The following PCDH11X variants were observed in gnomAD, a reference collection of about 807,000 sequenced individuals.
The protein encoded by PCDH11X is protocadherin 11 X-linked, also known as protocadherin-11 X-linked.
Under a neutral mutation model 53.3 loss-of-function variants are expected in PCDH11X, and 18 were observed. That is an observed-to-expected ratio of 0.34 (90% CI 0.23 to 0.50). The LOEUF (loss-of-function observed/expected upper bound fraction) is 0.50, where lower values mean the gene tolerates loss of function less well. Ranked by LOEUF, PCDH11X falls within the 20% of genes least tolerant of loss-of-function variation. The probability of loss-of-function intolerance (pLI) is 0.98; values close to 1 mark genes in which losing one functional copy is unlikely to be tolerated. For missense variants in PCDH11X, 570 were observed against 1,032.4 expected, an observed-to-expected ratio of 0.55 and a Z score of 6.14; for synonymous variants, 279 against 393.3, an observed-to-expected ratio of 0.71 and a Z score of 3.44.
At chrX:91,881,992 A>C (rs1040351101) in intron 6 of PCDH11X, among the ~76,000 whole-genome samples, 73 of 110,598 alleles carry the variant, frequency 6.6e-4, no homozygotes, top group Non-Finnish European at 1.3e-3. Context: ...ATAAGAGACA[A>C]GGGAATTCAT....
At chrX:92,038,307 T>A (rs2063159019) in intron 6 of PCDH11X, among the ~76,000 whole-genome samples, 1 of 110,183 alleles carries the variant, frequency 9.1e-6, no homozygotes. Flanking sequence ...CATGGTTTTG[T>A]GGGCCAGGCT....
At chrX:92,484,299 G>A (rs184295416) in intron 10 of PCDH11X, among the ~76,000 whole-genome samples, 1,298 of 101,314 alleles carry the variant, frequency 0.013, 24 homozygotes, top group African/African-American at 0.044. Flanking sequence ...ATATATGTGT[G>A]TGTATATATA....
intron 8 of PCDH11X, among the ~76,000 whole-genome samples, chrX:92,338,068 A>G (rs186400934): frequency 1.8e-5 from 2 of 111,616 alleles, no homozygotes; most frequent in African/African-American, 6.5e-5. Context: ...TTAATGCTTT[A>G]AATATGTTTT....
At chrX:92,521,500 A>G (rs1428969700) in intron 10 of PCDH11X, among the ~76,000 whole-genome samples, 2 of 111,871 alleles carry the variant, frequency 1.8e-5, no homozygotes. Context: ...TGTTCCATTT[A>G]TAGAGTTCAG....
At chrX:92,127,284 T>C (rs916735146) in intron 6 of PCDH11X, among the ~76,000 whole-genome samples, 3 of 108,215 alleles carry the variant, frequency 2.8e-5, no homozygotes, top group Non-Finnish European at 5.7e-5. Context: ...TAGATGTTAA[T>C]AATGAGTGCT....
At chrX:92,151,108 AT>A (rs1277222056) in intron 6 of PCDH11X, among the ~76,000 whole-genome samples, 2 of 109,306 alleles carry the variant, frequency 1.8e-5, no homozygotes, top group Non-Finnish European at 3.8e-5. Context: ...TTAGCTCTAA[AT>A]TTTTTTTATA....
intron 10 of PCDH11X, among the ~76,000 whole-genome samples, chrX:92,479,450 C>A (rs761584959): frequency 9.4e-6 from 1 of 106,284 alleles, no homozygotes; most frequent in Non-Finnish European, 1.9e-5. Context: ...TTCTTCATAG[C>A]GTCACTGGCC....
chrX:91,898,991 G>T (rs1342897255), intron 6 of PCDH11X, among the ~76,000 whole-genome samples: 1 of 110,187 alleles, frequency 9.1e-6, no homozygotes, highest in African/African-American at 3.3e-5. Context: ...TTTGTAAAAT[G>T]AGAACTTTTC....
rs1366660910 is a variant in PCDH11X, at chrX:91,951,868, GCT to G, written c.3033+72598_3033+72599del. 4.5e-5 allele frequency among the ~76,000 whole-genome samples: 5 copies of G among 111,715 alleles called. No homozygotes were observed. In the East Asian group the frequency reaches 8.5e-4, roughly 19 times the overall value. ...CTGGTGGGTAGGAAAGCTTCCAGTT[GCT>G]CTGTCAGGAGCCCTGGCCTGCTGAA... On this transcript the variant is annotated intron_variant, in intron 6 of 10. Coordinates refer to ENST00000682573, the MANE Select transcript of PCDH11X (RefSeq NM_032968.5).
chrX:92,035,525 TTG>T (rs1213820604), intron 6 of PCDH11X, among the ~76,000 whole-genome samples: 1 of 86,900 alleles, frequency 1.2e-5, no homozygotes, highest in African/African-American at 4.2e-5. Context: ...TGGAGCTTTG[TTG>T]TATGTTATTT....
chrX:92,164,179 C>T (rs1382497360), intron 6 of PCDH11X, among the ~76,000 whole-genome samples: 2 of 111,835 alleles, frequency 1.8e-5, no homozygotes, highest in Non-Finnish European at 3.8e-5. Flanking sequence ...ATGACACGGG[C>T]TTCTTCTTAC....
At chrX:92,378,244 A>G (rs1288286102) in intron 8 of PCDH11X, among the ~76,000 whole-genome samples, 2 of 107,504 alleles carry the variant, frequency 1.9e-5, no homozygotes, top group African/African-American at 3.4e-5. Context: ...GTTTCACGGT[A>G]AGTTGTCTTG....
At chrX:91,886,970 C>CAAA (rs1179014012) in intron 6 of PCDH11X, among the ~76,000 whole-genome samples, 1 of 50,670 alleles carries the variant, frequency 2.0e-5, no homozygotes, top group African/African-American at 1.0e-4. Flanking sequence ...GACTCCATCT[C>CAAA]AAAAAAAAAA....
At chrX:91,809,027 CTT>C (rs1196434496) in intron 1 of PCDH11X, among the ~76,000 whole-genome samples, 6 of 104,377 alleles carry the variant, frequency 5.7e-5, no homozygotes, top group African/African-American at 1.8e-4. Flanking sequence ...AATTAAGTAA[CTT>C]ATAAAATCTC....
chrX:92,148,185 T>TTTCC (rs2065360899), intron 6 of PCDH11X, among the ~76,000 whole-genome samples: 1 of 46,580 alleles, frequency 2.1e-5, no homozygotes, highest in African/African-American at 1.2e-4. Context: ...TCTTTCTTTC[T>TTTCC]TTCTTTCTTT....
chrX:92,317,141 T>A (rs2069096051), intron 8 of PCDH11X, among the ~76,000 whole-genome samples: 1 of 110,501 alleles, frequency 9.0e-6, no homozygotes, highest in African/African-American at 3.3e-5. Flanking sequence ...CTAAAAAGAA[T>A]GTGTTATAGC....
At chrX:91,989,550 G>A (rs951332171) in intron 6 of PCDH11X, among the ~76,000 whole-genome samples, 14 of 103,557 alleles carry the variant, frequency 1.4e-4, no homozygotes, top group African/African-American at 3.2e-4. Flanking sequence ...GCAACAGAGC[G>A]AGACTCTATC....
At chrX:92,274,041 A>G (rs2068021251) in intron 8 of PCDH11X, among the ~76,000 whole-genome samples, 1 of 107,098 alleles carries the variant, frequency 9.3e-6, no homozygotes, top group African/African-American at 3.5e-5. Flanking sequence ...AATGGTGAAT[A>G]GGAGTATGAC....
chrX:91,940,272 G>A (rs2266174), intron 6 of PCDH11X, among the ~76,000 whole-genome samples: 6 of 111,249 alleles, frequency 5.4e-5, no homozygotes, highest in South Asian at 3.8e-4. Context: ...CTGCAGAACC[G>A]TAAGCCAATT....
Sources: allele counts gnomAD v4.1 joint callset (sites outside exome capture counted in the v4.1 genomes callset), GRCh38; gene constraint gnomAD v4.1.1; transcripts MANE v1.5; gene names NCBI Gene and HGNC (gene_info 2026-07-23, HGNC 2026-07-21).